The following SDK1 variants were observed in gnomAD, a reference collection of about 807,000 sequenced individuals.
SDK1 encodes the protein protein sidekick-1.
Under a neutral mutation model 245.5 loss-of-function variants are expected in SDK1, and 157 were observed. The observed-to-expected ratio is 0.64, with a 90% CI of 0.56 to 0.73. SDK1 has a LOEUF of 0.73. Ranked by LOEUF, SDK1 falls within the 30% of genes least tolerant of loss-of-function variation. The pLI is 0.00. For synonymous variants in SDK1, 1,647 were observed against 1,278.5 expected (o/e 1.29, Z -6.15); for missense variants, 3,583 against 3,002.3 (o/e 1.19, Z -4.52).
At chr7:3,593,128 G>C (rs994985756) in intron 1 of SDK1, among the ~76,000 whole-genome samples, 2 of 152,238 alleles carry the variant, frequency 1.3e-5, no homozygotes, top group Admixed American at 1.3e-4. Flanking sequence ...CAGTAAGCTA[G>C]TGTGTTAGGT....
At chr7:4,193,482 G>A (rs566194202) in intron 35 of SDK1, among the ~76,000 whole-genome samples, 3 of 150,148 alleles carry the variant, frequency 2.0e-5, no homozygotes, top group East Asian at 3.9e-4. Flanking sequence ...GGATGAGGAA[G>A]CTGTTCCTTC....
chr7:4,018,538 C>T (rs1427279813), intron 17 of SDK1, among the ~76,000 whole-genome samples: 1 of 152,246 alleles, frequency 6.6e-6, no homozygotes, highest in Admixed American at 6.5e-5. Context: ...AAAACCTGGA[C>T]AGTTAACATT....
intron 1 of SDK1, among the ~76,000 whole-genome samples, chr7:3,403,135 T>C (rs751125030): frequency 1.3e-5 from 2 of 152,136 alleles, no homozygotes; most frequent in Non-Finnish European, 2.9e-5. Flanking sequence ...GGTTTCTCCG[T>C]GTTGATCAGG....
chr7:3,519,332 G>T (rs1782854015), intron 1 of SDK1, among the ~76,000 whole-genome samples: 1 of 152,020 alleles, frequency 6.6e-6, no homozygotes, highest in African/African-American at 2.4e-5. Context: ...GATGAATTAT[G>T]CTAATTACCC....
chr7:3,618,551 C>A (rs965923558), intron 1 of SDK1, among the ~76,000 whole-genome samples: 3 of 152,172 alleles, frequency 2.0e-5, no homozygotes, highest in African/African-American at 7.2e-5. Flanking sequence ...CCATGAGTTT[C>A]CTGTGTTGTA....
At chr7:3,761,682 C>T (rs746750255) in intron 4 of SDK1, among the ~76,000 whole-genome samples, 1 of 151,684 alleles carries the variant, frequency 6.6e-6, no homozygotes, top group African/African-American at 2.4e-5. Context: ...ACAGGAATGA[C>T]TCAGGAGTTT....
At chr7:3,993,350 C>A (rs1296713706) in intron 14 of SDK1, among the ~76,000 whole-genome samples, 1 of 151,996 alleles carries the variant, frequency 6.6e-6, no homozygotes, top group African/African-American at 2.4e-5. Context: ...AAGTCTTTTT[C>A]TTATGATTTT....
intron 1 of SDK1, among the ~76,000 whole-genome samples, chr7:3,497,156 GA>G (rs1241699036): frequency 6.6e-6 from 1 of 152,144 alleles, no homozygotes; most frequent in Non-Finnish European, 1.5e-5. Context: ...ACTAAAAAGA[GA>G]AACTCTTTTT....
chr7:3,539,354 A>G (rs758369849), intron 1 of SDK1, among the ~76,000 whole-genome samples: 16 of 152,196 alleles, frequency 1.1e-4, no homozygotes, highest in Non-Finnish European at 1.9e-4. Context: ...AGGTAGGTAG[A>G]TAGACAGAGC....
intron 2 of SDK1, among the ~76,000 whole-genome samples, chr7:3,635,335 G>T (rs1444930502): frequency 1.1e-4 from 17 of 152,132 alleles, no homozygotes; most frequent in Admixed American, 1.1e-3. Flanking sequence ...TATCAGAGGG[G>T]AAAACATAGT....
chr7:4,190,933 G>C (rs890206279), intron 35 of SDK1, among the ~76,000 whole-genome samples: 9 of 152,204 alleles, frequency 5.9e-5, no homozygotes, highest in Admixed American at 5.9e-4. Context: ...TTGCCCACAG[G>C]TGCGAGCCTA....
At chr7:3,332,523 G>A (rs946257318) in intron 1 of SDK1, among the ~76,000 whole-genome samples, 7 of 152,078 alleles carry the variant, frequency 4.6e-5, no homozygotes, top group South Asian at 2.1e-4. Flanking sequence ...CATTATAAAG[G>A]CATGATAATG....
chr7:3,680,967 G>A (rs892044757), intron 4 of SDK1, among the ~76,000 whole-genome samples: 5 of 151,886 alleles, frequency 3.3e-5, no homozygotes, highest in East Asian at 1.9e-4. Context: ...CTCAGCCTCC[G>A]GAGTAGCTGG....
chr7:4,215,975 T>C (rs1784773257), intron 38 of SDK1, among the ~76,000 whole-genome samples: 1 of 152,116 alleles, frequency 6.6e-6, no homozygotes, highest in Non-Finnish European at 1.5e-5. Flanking sequence ...AGCAGTGGGC[T>C]TCAGACCACT....
At chr7:3,866,722 G>A (rs149288764) in intron 5 of SDK1, among the ~76,000 whole-genome samples, 1 of 152,208 alleles carries the variant, frequency 6.6e-6, no homozygotes, top group African/African-American at 2.4e-5. Flanking sequence ...ACACCAGGCT[G>A]GTTAGAGTGG....
intron 4 of SDK1, among the ~76,000 whole-genome samples, chr7:3,819,214 CT>C (rs1779584989): frequency 6.8e-6 from 1 of 147,392 alleles, no homozygotes; most frequent in African/African-American, 2.6e-5. Flanking sequence ...TTCATGGTGT[CT>C]TTTTGGCAGC....
chr7:3,611,457 C>G (rs948487043), intron 1 of SDK1, among the ~76,000 whole-genome samples: 1 of 152,194 alleles, frequency 6.6e-6, no homozygotes, highest in Non-Finnish European at 1.5e-5. Flanking sequence ...CTGAACTGCC[C>G]TGTCCTCACT....
chr7:3,766,797 C>A (rs548260956), intron 4 of SDK1, among the ~76,000 whole-genome samples: 2 of 152,162 alleles, frequency 1.3e-5, no homozygotes, highest in South Asian at 2.1e-4. Flanking sequence ...TCTTAGCAGT[C>A]AACAAGTATA....
intron 14 of SDK1, among the ~76,000 whole-genome samples, chr7:3,994,677 T>C (rs2128142153): frequency 1.3e-5 from 2 of 151,888 alleles, no homozygotes; most frequent in South Asian, 4.2e-4. Context: ...CATAATGTAA[T>C]TCTTGACTCC....
Sources: allele counts gnomAD v4.1 joint callset (sites outside exome capture counted in the v4.1 genomes callset), GRCh38; gene constraint gnomAD v4.1.1; transcripts MANE v1.5; gene names NCBI Gene and HGNC (gene_info 2026-07-23, HGNC 2026-07-21).